Variants in PSD2 observed in about 807,000 individuals in gnomAD.
PSD2 encodes the protein pleckstrin and Sec7 domain containing 2.
Under a neutral mutation model 69.8 loss-of-function variants are expected in PSD2, and 38 were observed. The observed-to-expected ratio is 0.54, with a 90% CI of 0.42 to 0.71. The LOEUF is 0.71. PSD2 is among the 30% of genes least tolerant of loss of function. The pLI, the probability that PSD2 is intolerant of heterozygous loss-of-function variation, is 0.00. For missense variants in PSD2, 943 were observed against 1,014.5 expected, an observed-to-expected ratio of 0.93 and a Z score of 0.96; for synonymous variants, 412 against 423.0, an observed-to-expected ratio of 0.97 and a Z score of 0.32.
chr5:139,825,570 G>A (rs532918118), intron 7 of PSD2, among the ~76,000 whole-genome samples: 27 of 152,208 alleles, frequency 1.8e-4, no homozygotes, highest in African/African-American at 6.3e-4. Context: ...TCAGGACTGA[G>A]TCTAACAGGA....
intron 7 of PSD2, among the ~76,000 whole-genome samples, chr5:139,831,180 G>A (rs971001530): frequency 1.3e-5 from 2 of 152,018 alleles, no homozygotes; most frequent in Non-Finnish European, 2.9e-5. Flanking sequence ...GAACATGTCC[G>A]TCTTTATGTC....
chr5:139,767,577 A>G, the PSD2 span, among the ~76,000 whole-genome samples: 1 of 152,150 alleles, frequency 6.6e-6, no homozygotes, highest in South Asian at 2.1e-4. Flanking sequence ...GGCCTCCCAG[A>G]GTGCTGGGAT....
chr5:139,746,609 A>G, the PSD2 span, among the ~76,000 whole-genome samples: 1 of 152,144 alleles, frequency 6.6e-6, no homozygotes, highest in Non-Finnish European at 1.5e-5. The surrounding 1 kb of genome is among the most constrained non-coding windows in gnomAD (Gnocchi z 4.5). Context: ...TAGGACCGCC[A>G]CAGAACGGGC....
chr5:139,833,848 A>G (rs368808314), intron 8 of PSD2, 57 bp downstream of exon 8: 12 of 1,313,794 alleles, frequency 9.1e-6, no homozygotes, highest in Non-Finnish European at 7.7e-6. Flanking sequence ...GATAGAGAGG[A>G]GAGAGGTCTG....
At chr5:139,786,279 G>A in the PSD2 span, among the ~76,000 whole-genome samples, 175 of 152,152 alleles carry the variant, frequency 1.2e-3, 1 homozygote, top group African/African-American at 3.9e-3. Flanking sequence ...CAGCTACACA[G>A]GAGGCAGAGA....
upstream of PSD2, among the ~76,000 whole-genome samples, chr5:139,794,625 G>A (rs1759476555): frequency 1.3e-5 from 2 of 152,230 alleles, no homozygotes; most frequent in South Asian, 2.1e-4. Flanking sequence ...GCCCCACCGG[G>A]CAGAGTGTGG....
chr5:139,815,226 C>G (rs1760089620), intron 4 of PSD2, among the ~76,000 whole-genome samples: 1 of 152,122 alleles, frequency 6.6e-6, no homozygotes, highest in Non-Finnish European at 1.5e-5. Flanking sequence ...AGTCTCCACG[C>G]TGCTCCTGCA....
intron 4 of PSD2, 119 bp from the exon 5 acceptor site, chr5:139,817,362 G>T: frequency 1.2e-6 from 1 of 810,908 alleles, no homozygotes; most frequent in Admixed American, 2.0e-5. Flanking sequence ...GCAGCCTAGG[G>T]GTTGAGCAGG....
At chr5:139,773,299 G>C in the PSD2 span, among the ~76,000 whole-genome samples, 1 of 151,762 alleles carries the variant, frequency 6.6e-6, no homozygotes, top group Non-Finnish European at 1.5e-5. Context: ...TCTCGCTTTT[G>C]TCACCCGGGC....
the PSD2 span, among the ~76,000 whole-genome samples, chr5:139,752,800 C>T: frequency 2.6e-5 from 4 of 152,192 alleles, no homozygotes; most frequent in Middle Eastern, 3.2e-3. Flanking sequence ...CCGCCAAGCG[C>T]GGAGCTTTCT....
the PSD2 span, among the ~76,000 whole-genome samples, chr5:139,762,693 G>T: frequency 1.3e-5 from 2 of 152,258 alleles, no homozygotes; most frequent in Admixed American, 6.5e-5. Context: ...AGAGAGGAGG[G>T]TCATCTACCC....
At chr5:139,833,113 G>A (rs547000470) in intron 7 of PSD2, among the ~76,000 whole-genome samples, 69 of 152,208 alleles carry the variant, frequency 4.5e-4, no homozygotes, top group African/African-American at 1.6e-3. Flanking sequence ...GTGAGAGGGC[G>A]AGACAGTTGT....
chr5:139,746,118 T>C, the PSD2 span: 1 of 152,216 alleles, frequency 6.6e-6, no homozygotes, highest in African/African-American at 2.4e-5. This position sits in a 1 kb window ranked among gnomAD's most constrained non-coding sequence, Gnocchi z 4.5. Flanking sequence ...AAGTTGGTCA[T>C]TTGTATCGTG....
chr5:139,822,838 G>A (rs1760306798), intron 7 of PSD2, 54 bp downstream of exon 7: 1 of 1,484,262 alleles, frequency 6.7e-7, no homozygotes. Context: ...GACCCACCTT[G>A]TGTTGATCCC....
intron 5 of PSD2, among the ~76,000 whole-genome samples, chr5:139,820,935 G>GC (rs1760243382): frequency 6.8e-6 from 1 of 146,806 alleles, no homozygotes; most frequent in African/African-American, 2.5e-5. Context: ...GCCAGAGGTT[G>GC]TTTTTTTTTT....
the PSD2 span, among the ~76,000 whole-genome samples, chr5:139,766,828 C>CTTCTCTCTCTTTCT: frequency 0.057 from 4,957 of 87,686 alleles, 725 homozygotes; most frequent in Admixed American, 0.083. Context: ...AAGTCCCTTC[C>CTTCTCTCTCTTTCT]TTCTTTCTTT....
At chr5:139,777,132 T>G in the PSD2 span, among the ~76,000 whole-genome samples, 1 of 152,150 alleles carries the variant, frequency 6.6e-6, no homozygotes, top group African/African-American at 2.4e-5. Flanking sequence ...TTCTCCAGCT[T>G]AAGTGGTGCC....
chr5:139,793,291 A>G (rs1430127970), upstream of PSD2, among the ~76,000 whole-genome samples: 1 of 152,214 alleles, frequency 6.6e-6, no homozygotes, highest in African/African-American at 2.4e-5. Flanking sequence ...AGGAACAGTA[A>G]CAATACTCCC....
the PSD2 span, among the ~76,000 whole-genome samples, chr5:139,759,111 G>T: frequency 3.3e-5 from 5 of 152,182 alleles, no homozygotes; most frequent in South Asian, 2.1e-4. Context: ...CCCTGGTCTG[G>T]TTCTACATTT....
Sources: gnomAD v4.1 joint callset for allele counts (sites outside exome capture counted in the v4.1 genomes callset) on GRCh38, gnomAD v4.1.1 for gene constraint, Gnocchi (gnomAD v3.1) non-coding constraint, MANE v1.5 for transcripts, NCBI Gene and HGNC (gene_info 2026-07-23, HGNC 2026-07-21) for gene names.